Variants in ZNRF3 observed in about 807,000 individuals in gnomAD.
The protein encoded by ZNRF3 is E3 ubiquitin-protein ligase ZNRF3.
In ZNRF3, 23 loss-of-function variants were observed where a neutral mutation model predicts 72.5. The ratio of observed to expected loss-of-function variants is 0.32; its 90% CI spans 0.23 to 0.45. The LOEUF (loss-of-function observed/expected upper bound fraction) is 0.45. Ranked by LOEUF, ZNRF3 falls within the 20% of genes least tolerant of loss-of-function variation. The probability of loss-of-function intolerance (pLI) is 1.00; values close to 1 mark genes in which losing one functional copy is unlikely to be tolerated. For synonymous variants in ZNRF3, 610 were observed against 545.3 expected, an observed-to-expected ratio of 1.12 and a Z score of -1.65; for missense variants, 1,169 against 1,272.1, an observed-to-expected ratio of 0.92 and a Z score of 1.23.
intron 2 of ZNRF3, among the ~76,000 whole-genome samples, chr22:29,008,025 G>T (rs757200760): frequency 5.9e-5 from 9 of 151,784 alleles, no homozygotes; most frequent in Admixed American, 2.0e-4. Context: ...CAAAGTGCTG[G>T]GATTACAGGC....
intron 1 of ZNRF3, among the ~76,000 whole-genome samples, chr22:28,898,272 T>C (rs890964021): frequency 1.3e-5 from 2 of 152,166 alleles, no homozygotes; most frequent in African/African-American, 4.8e-5. Flanking sequence ...TGAGGGAGAA[T>C]TTTCTGTGAT....
intron 1 of ZNRF3, among the ~76,000 whole-genome samples, chr22:28,918,663 C>A (rs1044340450): frequency 3.3e-5 from 5 of 152,018 alleles, no homozygotes; most frequent in African/African-American, 1.2e-4. Flanking sequence ...GCTGGAATCC[C>A]TTTGAAGGCA....
At chr22:29,037,875 A>AG (rs1299243284) in intron 2 of ZNRF3, among the ~76,000 whole-genome samples, 1 of 152,180 alleles carries the variant, frequency 6.6e-6, no homozygotes, top group Non-Finnish European at 1.5e-5. Flanking sequence ...GGGCACATAG[A>AG]GGGCAGCAAG....
Position 28,903,445 on chromosome 22 carries a change from A to C in ZNRF3, c.300+19379A>C, listed in dbSNP as rs139284029. On this transcript the variant is annotated intron_variant, in intron 1 of 8. Coordinates refer to ENST00000544604, the MANE Select transcript of ZNRF3 (RefSeq NM_001206998.2). ...ACTTGGGGCAAGCACAAGTGACTTC[A>C]GCGCTTGGTTTGATCCAGCGTGTGA... Among the ~76,000 whole-genome samples the C allele has an allele frequency of 2.8e-3, 433 of 152,356 alleles. 5 individuals are homozygous for C. The highest frequency in any genetic ancestry group is 9.6e-3 in the African/African-American group (401 of 41,588).
intron 1 of ZNRF3, among the ~76,000 whole-genome samples, chr22:28,946,120 T>C (rs2035048568): frequency 6.6e-6 from 1 of 152,202 alleles, no homozygotes; most frequent in East Asian, 1.9e-4. Context: ...AATGCAAATA[T>C]TTGAGGATCT....
At chr22:28,991,643 A>G (rs1288897231) in intron 2 of ZNRF3, among the ~76,000 whole-genome samples, 1 of 152,122 alleles carries the variant, frequency 6.6e-6, no homozygotes. Flanking sequence ...AGCTTTACCT[A>G]TAGCGTCTCC....
intron 1 of ZNRF3, among the ~76,000 whole-genome samples, chr22:28,937,199 ATATATATATATATATATTTTTTTTTTTT>A (rs1482011286): frequency 0.1 from 646 of 6,188 alleles, 14 homozygotes; most frequent in Non-Finnish European, 0.17. Flanking sequence ...ATATATATAT[ATATATATATATATATATTTTTTTTTTTT>A]TTTTTTTTTT....
chr22:29,027,779 A>G (rs2036668849), intron 2 of ZNRF3, among the ~76,000 whole-genome samples: 1 of 152,214 alleles, frequency 6.6e-6, no homozygotes, highest in Admixed American at 6.5e-5. Context: ...AATTCATCAC[A>G]TGCTCACAGT....
chr22:28,977,839 T>A (rs750410810), intron 1 of ZNRF3, among the ~76,000 whole-genome samples: 11 of 152,186 alleles, frequency 7.2e-5, no homozygotes, highest in Non-Finnish European at 1.3e-4. Flanking sequence ...TTCAGACATG[T>A]GGAAAGTGCA....
intron 2 of ZNRF3, among the ~76,000 whole-genome samples, chr22:29,012,114 G>C (rs201636486): frequency 3.3e-5 from 5 of 152,204 alleles, no homozygotes; most frequent in Admixed American, 1.3e-4. Flanking sequence ...CCCCTGCCCC[G>C]TGAGACACTC....
intron 1 of ZNRF3, among the ~76,000 whole-genome samples, chr22:28,899,689 CTTTCTTTTTT>C (rs1488982336): frequency 3.6e-5 from 5 of 140,686 alleles, no homozygotes; most frequent in African/African-American, 7.7e-5. Flanking sequence ...TTCTTTCTTT[CTTTCTTTTTT>C]TTTTTTTTTT....
chr22:29,041,328 G>A (rs1255500619), intron 2 of ZNRF3, among the ~76,000 whole-genome samples: 1 of 152,024 alleles, frequency 6.6e-6, no homozygotes, highest in Non-Finnish European at 1.5e-5. Flanking sequence ...TTATTTTTTA[G>A]ATAATGGGGT....
intron 2 of ZNRF3, among the ~76,000 whole-genome samples, chr22:28,990,017 C>T (rs1195182234): frequency 1.3e-5 from 2 of 152,226 alleles, no homozygotes; most frequent in African/African-American, 4.8e-5. Context: ...TGATCCCCTC[C>T]TTCTCTTCTT....
At chr22:28,894,222 T>C (rs1384363929) in intron 1 of ZNRF3, among the ~76,000 whole-genome samples, 1 of 151,906 alleles carries the variant, frequency 6.6e-6, no homozygotes, top group African/African-American at 2.4e-5. Context: ...TCTCCCAAAG[T>C]GCTGAGACTA....
At chr22:28,917,596 T>A in intron 1 of ZNRF3, 1 of 243,908 alleles carries the variant, frequency 4.1e-6, no homozygotes, top group Non-Finnish European at 6.6e-6. Context: ...CAGCTACTTG[T>A]AAGGCTGATG....
intron 2 of ZNRF3, among the ~76,000 whole-genome samples, chr22:29,009,905 C>CTTTTTT (rs57028204): frequency 4.9e-5 from 6 of 123,562 alleles, no homozygotes; most frequent in African/African-American, 6.1e-5. Flanking sequence ...ACTTTTTCCT[C>CTTTTTT]TTTTTTTTTT....
chr22:29,003,843 G>C (rs1030336544), intron 2 of ZNRF3, among the ~76,000 whole-genome samples: 1 of 152,080 alleles, frequency 6.6e-6, no homozygotes, highest in Non-Finnish European at 1.5e-5. Context: ...AAAAAAAGAA[G>C]TGACTGAATT....
intron 1 of ZNRF3, among the ~76,000 whole-genome samples, chr22:28,933,752 ACTCT>A (rs372627987): frequency 0.1 from 4,166 of 40,662 alleles, 301 homozygotes; most frequent in East Asian, 0.4. Flanking sequence ...ACACACACTC[ACTCT>A]CTCTCTCTCT....
intron 2 of ZNRF3, among the ~76,000 whole-genome samples, chr22:29,007,355 CG>C (rs2036270649): frequency 6.6e-6 from 1 of 152,190 alleles, no homozygotes; most frequent in South Asian, 2.1e-4. Context: ...ATCTTGTTCA[CG>C]TCATGCACGG....
Sources: gnomAD v4.1 joint callset for allele counts (sites outside exome capture counted in the v4.1 genomes callset) on GRCh38, gnomAD v4.1.1 for gene constraint, MANE v1.5 for transcripts, NCBI Gene and HGNC (gene_info 2026-07-23, HGNC 2026-07-21) for gene names.